Variants in ZNF229 observed in about 807,000 individuals in gnomAD.
ZNF229 encodes zinc finger protein 229.
ZNF229 carries 10 observed loss-of-function variants against 11.8 expected under a neutral mutation model. The observed-to-expected ratio is 0.85, with a 90% CI of 0.52 to 1.44. ZNF229 has a LOEUF of 1.44. Among genes scored for constraint, ZNF229 ranks in the 40% most tolerant of loss-of-function variants. ZNF229 has a pLI of 0.00. For missense variants in ZNF229, 1,045 were observed against 1,015.1 expected (o/e 1.03, Z -0.40); for synonymous variants, 368 against 374.8 (o/e 0.98, Z 0.21).
rs775227514 is a variant in ZNF229, at chr19:44,428,545, C to G, written c.2236G>C (p.Gly746Arg). 1 of 1,613,828 alleles carries G rather than the reference C, an allele frequency of 6.2e-7. No homozygotes were observed. Among genetic ancestry groups the G allele is most frequent in the Non-Finnish European group, 8.5e-7 (1 of 1,179,966 alleles). ...TGTGAGCTCTGACTATAGCCCTTCC[C>G]ACACACGTGGCATCTGTATGGCTTC... ...GEKPYRCHVC[G>R]KGYSQSSHLQ... is the part of the protein sequence containing the mutation. Residue 746 changes from glycine (G) to arginine (R), a missense_variant, in exon 6 of 6, where the codon GGG becomes CGG. By Grantham distance (125) the Gly-to-Arg change is moderately radical. Transcript: ENST00000614049.
chr19:44,441,874 C>T (rs1971916091), intron 4 of ZNF229, among the ~76,000 whole-genome samples: 1 of 152,190 alleles, frequency 6.6e-6, no homozygotes. Flanking sequence ...GTACCCATTT[C>T]TCCATATCCC....
chr19:44,429,136 A>C lies in ZNF229; in HGVS notation c.1645T>G (p.Cys549Gly), dbSNP rs1193485665. Residue 549 changes from cysteine to glycine, a missense_variant, in exon 6 of 6, where the codon TGC becomes GGC. By Grantham distance (159) the Cys-to-Gly change is radical. Coordinates refer to ENST00000614049, the MANE Select transcript of ZNF229 (RefSeq NM_014518.4). The part of the protein sequence containing the change: ...HTGEKPYKCE[C>G]GKSFGRSSDL... The stretch of plus-strand genomic sequence containing the variant: ...GAGCTCCGGCCAAAGCTCTTCCCGC[A>C]CTCGCATTTGTAGGGTTTCTCTCCT... The C allele has an allele frequency of 3.1e-6, 5 of 1,606,694 alleles. No homozygotes were observed. The highest frequency in any genetic ancestry group is 2.3e-5 in the East Asian group (1 of 44,370).
Position 44,428,239 on chromosome 19 carries a change from C to G in ZNF229, c.*64G>C. ...TACATGTCACTTTCCTATGGTTTTTCTCCTGTGTTGGCTCTCAGATGGATA... is the reference window on the plus strand; with the variant it reads ...TACATGTCACTTTCCTATGGTTTTTGTCCTGTGTTGGCTCTCAGATGGATA... On this transcript the variant is annotated 3_prime_UTR_variant, in exon 6 of 6. Coordinates refer to ENST00000614049, the MANE Select transcript of ZNF229 (RefSeq NM_014518.4). The G allele has an allele frequency of 6.6e-7, 1 of 1,508,924 alleles. No homozygotes were observed. The allele number at this position is 1,508,924 out of a possible 1,614,324, so 93.5% of individuals were successfully genotyped here. A position where few individuals can be genotyped will look rare whatever the true frequency, so the allele number is the denominator to read the frequency against.
chr19:44,430,196 C>A lies in ZNF229; in HGVS notation c.585G>T (p.Gln195His). Residue 195 changes from glutamine to histidine, a missense_variant, in exon 6 of 6, where the codon CAG (glutamine) becomes CAT (histidine). By Grantham distance (24) the Gln-to-His change is conservative (BLOSUM62 0). Transcript: ENST00000614049. ...TACATCTTTCTTGAACATCCCCTAA[C>A]TGGTTCACAAACGCTTTTGCCCAAG... ...QGSWAKAFVN[Q>H]LGDVQERCKN... 1 of 1,614,092 alleles carries A rather than the reference C, an allele frequency of 6.2e-7. No individual in the cohort carries two copies. Among genetic ancestry groups the A allele is most frequent in the Non-Finnish European group, 8.5e-7 (1 of 1,180,026 alleles).
Position 44,427,718 on chromosome 19 carries a change from A to T in ZNF229, c.*585T>A, listed in dbSNP as rs980981543. On this transcript the variant is annotated 3_prime_UTR_variant, in exon 6 of 6. Coordinates refer to ENST00000614049, the MANE Select transcript of ZNF229 (RefSeq NM_014518.4). The stretch of plus-strand genomic sequence containing the variant: ...TCTGAAAGCTGTAAAGCTTACCTGC[A>T]AGATAAAACAGTCATAAAAACATGA... The T allele has an allele frequency of 5.2e-5, 8 of 152,446 alleles. No homozygotes were observed. Among genetic ancestry groups the T allele is most frequent in the African/African-American group, 1.9e-4 (8 of 41,414 alleles). 9.4% of individuals were successfully genotyped at this position (152,446 alleles called of 1,614,324 possible).
intron 4 of ZNF229, among the ~76,000 whole-genome samples, chr19:44,438,168 A>G (rs1461870713): frequency 6.6e-6 from 1 of 152,234 alleles, no homozygotes; most frequent in Non-Finnish European, 1.5e-5. Flanking sequence ...ACTTTTGATA[A>G]GTGTTTAGAA....
intron 2 of ZNF229, among the ~76,000 whole-genome samples, chr19:44,445,053 A>G (rs115016226): frequency 0.01 from 1,578 of 152,350 alleles, 31 homozygotes; most frequent in African/African-American, 0.035. Flanking sequence ...CATGTTCAAA[A>G]GAAAAGTCCA....
At chr19:44,439,453 CT>C (rs556798042) in intron 4 of ZNF229, among the ~76,000 whole-genome samples, 213 of 151,916 alleles carry the variant, frequency 1.4e-3, no homozygotes, top group African/African-American at 4.9e-3. Context: ...TTTCCATTTC[CT>C]TTTTTTTGAG....
intron 4 of ZNF229, among the ~76,000 whole-genome samples, chr19:44,438,332 G>A (rs1971849387): frequency 6.6e-6 from 1 of 152,132 alleles, no homozygotes; most frequent in African/African-American, 2.4e-5. Flanking sequence ...AAATAAAATG[G>A]GGCATCTTTG....
chr19:44,429,971 G>T lies in ZNF229; in HGVS notation c.810C>A (p.Tyr270Ter). 1.9e-6 allele frequency: 3 copies of T among 1,613,748 alleles called. No homozygotes were observed. The highest frequency in any genetic ancestry group is 2.5e-6 in the Non-Finnish European group (3 of 1,179,756). ...PGENGLKSNE[Y>*]RNGFRDDADL... Reference sequence around the variant, plus strand: ...CTGCATCGTCCCTGAAGCCATTTCTGTATTCGTTACTTTTCAAGCCATTCT... The same window carrying T: ...CTGCATCGTCCCTGAAGCCATTTCTTTATTCGTTACTTTTCAAGCCATTCT... Residue 270 changes from tyrosine to a stop codon, truncating the protein, a stop_gained, in exon 6 of 6, where the codon TAC becomes TAA. Transcript: ENST00000614049. LOFTEE classifies it low-confidence loss of function (END_TRUNC).
intron 3 of ZNF229, 47 bp from the exon 4 acceptor site, chr19:44,442,668 A>C (rs1971934023): frequency 1.9e-6 from 3 of 1,610,332 alleles, no homozygotes; most frequent in Non-Finnish European, 2.5e-6. Context: ...TGCTGCCTGA[A>C]GCTCTAGATC....
intron 4 of ZNF229, among the ~76,000 whole-genome samples, chr19:44,440,346 A>G (rs1971886869): frequency 6.6e-6 from 1 of 152,164 alleles, no homozygotes; most frequent in Non-Finnish European, 1.5e-5. Context: ...AAGAGAAAAT[A>G]AAGTGAAAGA....
Position 44,429,207 on chromosome 19 carries a change from C to T in ZNF229, c.1574G>A (p.Ser525Asn), listed in dbSNP as rs1224019746. The change falls in exon 6 of 6, where the codon AGT becomes AAT. Residue 525 changes from serine (S) to asparagine (N), a missense_variant. Transcript: ENST00000614049. ...GAGAAGCCCTGAGCTGTAACTGAAA[C>T]TCTTACCACACACGTTACATTTGTA... is the stretch of plus-strand genomic sequence containing the variant. ...HLYKCNVCGK[S>N]FSYSSGLLMH... 2.5e-6 allele frequency: 4 copies of T among 1,614,040 alleles called. No homozygotes were observed. The highest frequency in any genetic ancestry group is 3.4e-6 in the Non-Finnish European group (4 of 1,180,030).
Position 44,428,469 on chromosome 19 carries a change from T to G in ZNF229, c.2312A>C (p.Glu771Ala). 1 of 1,613,722 alleles carries G rather than the reference T, an allele frequency of 6.2e-7. No homozygotes were observed. Among genetic ancestry groups the G allele is most frequent in the East Asian group, 2.2e-5 (1 of 44,822 alleles). The change falls in exon 6 of 6, where the codon GAG becomes GCG. Residue 771 changes from glutamate to alanine, a missense_variant. By Grantham distance (107) the Glu-to-Ala change is moderately radical (BLOSUM62 -1). Coordinates refer to ENST00000614049, the MANE Select transcript of ZNF229 (RefSeq NM_014518.4). ...VHTGEKPYKC[E>A]ECGKGFGRNS... ...GCGGCCAAAGCCCTTCCCACACTCC[T>G]CACATTTATAGGGTTTCTCACCAGT... is the stretch of plus-strand genomic sequence containing the variant.
At chr19:44,435,244 A>C (rs1971792706) in intron 4 of ZNF229, among the ~76,000 whole-genome samples, 2 of 152,216 alleles carry the variant, frequency 1.3e-5, no homozygotes, top group South Asian at 4.1e-4. Flanking sequence ...GATGAGCCAA[A>C]AAGCTAGAGT....
Position 44,429,033 on chromosome 19 carries a change from C to G in ZNF229, c.1748G>C (p.Arg583Pro). 6.2e-7 allele frequency: 1 copy of G among 1,612,144 alleles called. No individual in the cohort carries two copies. Among genetic ancestry groups the G allele is most frequent in the South Asian group, 1.1e-5 (1 of 90,942 alleles). ...KCSECGKGFR[R>P]NSDLHSHQRV... ...CTGGTGGCTGTGAAGGTCTGAATTC[C>G]GCCGGAAGCCCTTCCCACACTCACT... The change falls in exon 6 of 6, where the codon CGG (arginine) becomes CCG (proline). Residue 583 changes from arginine (R) to proline (P), a missense_variant. Arg to Pro is a moderately radical substitution (Grantham distance 103, BLOSUM62 -2). Transcript: ENST00000614049.
At chr19:44,431,214 C>G (rs1261690316) in intron 5 of ZNF229, among the ~76,000 whole-genome samples, 2 of 152,142 alleles carry the variant, frequency 1.3e-5, no homozygotes, top group Non-Finnish European at 2.9e-5. Context: ...ACTGTTAAGG[C>G]AGGAAGACAC....
rs771791820 is a variant in ZNF229 at position 44,429,421 on chromosome 19, T to C, written c.1360A>G (p.Ile454Val). 3.7e-6 allele frequency: 6 copies of C among 1,613,892 alleles called. No homozygotes were observed. The highest frequency in any genetic ancestry group is 5.1e-6 in the Non-Finnish European group (6 of 1,179,986). Residue 454 changes from isoleucine (I) to valine (V), a missense_variant, in exon 6 of 6, where the codon ATT (isoleucine) becomes GTT (valine). Physicochemically the swap from Ile to Val is conservative, Grantham distance 29. Transcript: ENST00000614049. Reference protein sequence around the residue: ...AKSALHKHQHIHPGEKPYSCG... With the variant: ...AKSALHKHQHVHPGEKPYSCG... ...CTGTAGGGCTTTTCTCCAGGGTGAA[T>C]GTGCTGGTGTTTGTGCAGTGCAGAC... is the stretch of plus-strand genomic sequence containing the variant.
At chr19:44,438,557 C>G (rs1439533195) in intron 4 of ZNF229, among the ~76,000 whole-genome samples, 1 of 152,166 alleles carries the variant, frequency 6.6e-6, no homozygotes, top group African/African-American at 2.4e-5. Context: ...ACCGTGATGT[C>G]TTTTTCTATG....
Sources: gnomAD v4.1 joint callset for allele counts (sites outside exome capture counted in the v4.1 genomes callset) on GRCh38, gnomAD v4.1.1 for gene constraint, MANE v1.5 for transcripts, NCBI Gene and HGNC (gene_info 2026-07-23, HGNC 2026-07-21) for gene names.